EYS: variants seen among roughly 807,000 people sequenced by gnomAD.
The protein encoded by EYS is EGF-like photoreceptor maintenance factor, also known as protein eyes shut homolog.
A neutral mutation model predicts 282.1 loss-of-function variants in EYS; 250 were observed. The ratio of observed to expected loss-of-function variants is 0.89; its 90% CI spans 0.80 to 0.98. The LOEUF (loss-of-function observed/expected upper bound fraction) is 0.98. Among genes scored for constraint, EYS ranks in the 50% least tolerant of loss-of-function variants. The pLI, the probability that EYS is intolerant of heterozygous loss-of-function variation, is 0.00. For synonymous variants in EYS, 1,355 were observed against 1,282.9 expected (o/e 1.06, Z -1.20); for missense variants, 4,016 against 3,709.0 (o/e 1.08, Z -2.15).
chr6:65,466,492 AAAATT>A (rs1340200864), intron 5 of EYS, among the ~76,000 whole-genome samples: 7 of 152,152 alleles, frequency 4.6e-5, no homozygotes, highest in African/African-American at 1.4e-4. Context: ...ATGAAATGGA[AAAATT>A]AAATTAATTC....
At chr6:63,971,640 G>T (rs1167101291) in intron 35 of EYS, among the ~76,000 whole-genome samples, 2 of 152,046 alleles carry the variant, frequency 1.3e-5, no homozygotes, top group Non-Finnish European at 2.9e-5. Context: ...TGGATGGGTA[G>T]ACTAGAGAAG....
At chr6:65,171,531 A>T (rs1396468968) in intron 12 of EYS, among the ~76,000 whole-genome samples, 4 of 151,526 alleles carry the variant, frequency 2.6e-5, no homozygotes, top group African/African-American at 4.8e-5. Context: ...CCAGATGCAT[A>T]TTTGTGTATA....
chr6:64,000,452 G>A (rs1401895448), intron 33 of EYS, among the ~76,000 whole-genome samples: 1 of 150,744 alleles, frequency 6.6e-6, no homozygotes, highest in Admixed American at 6.6e-5. Flanking sequence ...TCCCAACCTC[G>A]GCCTCCCAAA....
intron 2 of EYS, among the ~76,000 whole-genome samples, chr6:65,533,053 A>T (rs757745531): frequency 6.6e-5 from 10 of 152,090 alleles, no homozygotes; most frequent in Non-Finnish European, 1.2e-4. Flanking sequence ...ATATGTATAA[A>T]AATTACTAAT....
chr6:65,035,595 CA>C (rs943497841), intron 13 of EYS, among the ~76,000 whole-genome samples: 2 of 151,300 alleles, frequency 1.3e-5, no homozygotes, highest in South Asian at 2.1e-4. Context: ...TAGCCATACA[CA>C]AAAAAAACTA....
chr6:64,451,636 C>G lies in EYS; in HGVS notation c.5645-12284G>C, dbSNP rs183677914. ...TAAAATACTGGCAAACCGAATCCAG[C>G]AACACATCAAAAAGCTTATCCACCA... On this transcript the variant is annotated intron_variant, in intron 26 of 42. Coordinates refer to ENST00000503581, the MANE Select transcript of EYS (RefSeq NM_001142800.2). Among the ~76,000 whole-genome samples the G allele has an allele frequency of 8.2e-3, 1,255 of 152,252 alleles. 12 individuals are homozygous for G. The highest frequency in any genetic ancestry group is 0.029 in the African/African-American group (1,194 of 41,542).
chr6:63,735,370 A>G (rs184639696), intron 41 of EYS, among the ~76,000 whole-genome samples: 1 of 152,196 alleles, frequency 6.6e-6, no homozygotes, highest in Admixed American at 6.5e-5. Flanking sequence ...AAGTTGCCAT[A>G]ACAAAAAGAA....
intron 5 of EYS, among the ~76,000 whole-genome samples, chr6:65,478,676 A>C (rs1233038576): frequency 6.6e-6 from 1 of 152,158 alleles, no homozygotes; most frequent in Non-Finnish European, 1.5e-5. Context: ...CTAATTATAC[A>C]TAATTGATTT....
chr6:65,126,217 A>T (rs929975989), intron 12 of EYS, among the ~76,000 whole-genome samples: 6 of 152,120 alleles, frequency 3.9e-5, no homozygotes, highest in African/African-American at 2.4e-5. Context: ...TACCTTGTGC[A>T]TTATTCTCCC....
At chr6:65,084,188 A>C (rs1774302308) in intron 12 of EYS, among the ~76,000 whole-genome samples, 1 of 152,076 alleles carries the variant, frequency 6.6e-6, no homozygotes, top group Non-Finnish European at 1.5e-5. Context: ...CTAAGACAGC[A>C]CACAGAGTCC....
intron 26 of EYS, among the ~76,000 whole-genome samples, chr6:64,503,211 A>C (rs532067675): frequency 6.6e-6 from 1 of 152,312 alleles, no homozygotes; most frequent in African/African-American, 2.4e-5. Flanking sequence ...TCACATATCT[A>C]TGGAAACATT....
At chr6:65,357,660 A>G (rs1764541872) in intron 8 of EYS, among the ~76,000 whole-genome samples, 1 of 152,042 alleles carries the variant, frequency 6.6e-6, no homozygotes, top group East Asian at 1.9e-4. Context: ...TACTATTATG[A>G]AAAAATATTT....
chr6:65,444,981 A>G (rs1157341924), intron 5 of EYS, among the ~76,000 whole-genome samples: 2 of 151,962 alleles, frequency 1.3e-5, no homozygotes, highest in African/African-American at 4.8e-5. Context: ...TTAACATCCA[A>G]ATACTTTATG....
At chr6:64,384,219 C>G (rs1271338415) in intron 29 of EYS, among the ~76,000 whole-genome samples, 1 of 152,102 alleles carries the variant, frequency 6.6e-6, no homozygotes, top group African/African-American at 2.4e-5. Context: ...AAGTGCATAA[C>G]ACTCATTTGC....
intron 29 of EYS, 42 bp downstream of exon 29, chr6:64,388,648 T>C: frequency 7.2e-7 from 1 of 1,391,332 alleles, no homozygotes; most frequent in South Asian, 1.6e-5. Flanking sequence ...TTTTCAATAA[T>C]TATTTTCAAT....
chr6:65,619,032 G>A lies in EYS; in HGVS notation c.-333+20746C>T, dbSNP rs548633069. Among the ~76,000 whole-genome samples, 6 of 152,238 alleles carry A rather than the reference G, an allele frequency of 3.9e-5. No homozygotes were observed. In the South Asian group the frequency reaches 1.2e-3, roughly 32 times the overall value. ...TTTGGCTTCAGATTGACTTGGCGATGCGGGCTCTTTTTTGGTTCCATATGA... is the reference window on the plus strand; with the variant it reads ...TTTGGCTTCAGATTGACTTGGCGATACGGGCTCTTTTTTGGTTCCATATGA... On this transcript the variant is annotated intron_variant, in intron 2 of 42. Transcript: ENST00000503581.
chr6:65,340,482 T>C (rs888915836), intron 10 of EYS, among the ~76,000 whole-genome samples: 2 of 151,140 alleles, frequency 1.3e-5, no homozygotes, highest in Admixed American at 6.6e-5. Flanking sequence ...TAACTTACTA[T>C]TTACTCTATG....
At chr6:64,434,007 G>A (rs1424892903) in intron 28 of EYS, among the ~76,000 whole-genome samples, 1 of 151,972 alleles carries the variant, frequency 6.6e-6, no homozygotes, top group African/African-American at 2.4e-5. Context: ...TGATGCCCTA[G>A]CCATCAGTAC....
chr6:65,217,213 C>T (rs567446398), intron 12 of EYS, among the ~76,000 whole-genome samples: 56 of 152,082 alleles, frequency 3.7e-4, no homozygotes, highest in African/African-American at 1.3e-3. Flanking sequence ...CAGCTGGAAT[C>T]CAAACTCAAT....
Sources: gnomAD v4.1 joint callset for allele counts (sites outside exome capture counted in the v4.1 genomes callset) on GRCh38, gnomAD v4.1.1 for gene constraint, MANE v1.5 for transcripts, NCBI Gene and HGNC (gene_info 2026-07-23, HGNC 2026-07-21) for gene names.